NLE1: variants seen among roughly 807,000 people sequenced by gnomAD.
NLE1 encodes notchless protein homolog 1.
NLE1 carries 37 observed loss-of-function variants against 62.8 expected under a neutral mutation model. The ratio of observed to expected loss-of-function variants is 0.59; its 90% CI spans 0.45 to 0.78. NLE1 has a LOEUF of 0.78. Among genes scored for constraint, NLE1 ranks in the 30% least tolerant of loss-of-function variants. The probability of loss-of-function intolerance (pLI) is 0.00; values close to 1 mark genes in which losing one functional copy is unlikely to be tolerated. For synonymous variants in NLE1, 243 were observed against 253.0 expected, an observed-to-expected ratio of 0.96 and a Z score of 0.37; for missense variants, 555 against 637.9, an observed-to-expected ratio of 0.87 and a Z score of 1.40.
chr17:35,129,184 G>A lies in NLE1; in HGVS notation c.*3253C>T. The A allele has an allele frequency of 2.0e-6, 1 of 502,646 alleles. No homozygotes were observed. Among genetic ancestry groups the A allele is most frequent in the Non-Finnish European group, 3.6e-6 (1 of 278,432 alleles). The allele number at this position is 502,646 out of a possible 1,614,324, so 31.1% of individuals were successfully genotyped here. ...AGGGTTGAGGACCCCTGGCGTATAA[G>A]AAATATGGAATGAGGGTGTACCCTA... On this transcript the variant is annotated 3_prime_UTR_variant, in exon 13 of 13. Coordinates refer to ENST00000442241, the MANE Select transcript of NLE1 (RefSeq NM_018096.5).
intron 3 of NLE1, 105 bp from the exon 4 acceptor site, chr17:35,139,419 T>G (rs1363623716): frequency 1.1e-6 from 1 of 919,728 alleles, no homozygotes; most frequent in Non-Finnish European, 1.7e-6. Flanking sequence ...TCCTCGCCCC[T>G]GGAAGGGAGA....
Position 35,130,118 on chromosome 17 carries a change from G to T in NLE1, c.*2319C>A, listed in dbSNP as rs911218829. ...TCCCATAATGAGGAGGTACAGGCTTGAGTCATGCATCTTTGCACCTGTTTC... is the reference window on the plus strand; with the variant it reads ...TCCCATAATGAGGAGGTACAGGCTTTAGTCATGCATCTTTGCACCTGTTTC... On this transcript the variant is annotated 3_prime_UTR_variant, in exon 13 of 13. Transcript: ENST00000442241. 1 of 1,439,508 alleles carries T rather than the reference G, an allele frequency of 6.9e-7. No individual in the cohort carries two copies. The highest frequency in any genetic ancestry group is 9.1e-7 in the Non-Finnish European group (1 of 1,102,058). 89.2% of individuals were successfully genotyped at this position (1,439,508 alleles called of 1,614,324 possible).
Position 35,135,309 on chromosome 17 carries a change from C to T in NLE1, c.1154G>A (p.Arg385His), listed in dbSNP as rs200560049. Residue 385 changes from arginine to histidine, a missense_variant, in exon 10 of 13, where the codon CGC (arginine) becomes CAC (histidine). Arg to His is a conservative substitution (Grantham distance 29, BLOSUM62 0). Transcript: ENST00000442241. The part of the protein sequence containing the change: ...INQVLFSPDS[R>H]IVASASFDKS... ...GTCAAAGGAGGCACTAGCCACGATGCGGGAGTCAGGAGAGAAGAGCACCTG... is the reference window on the plus strand; with the variant it reads ...GTCAAAGGAGGCACTAGCCACGATGTGGGAGTCAGGAGAGAAGAGCACCTG... The T allele has an allele frequency of 2.2e-5, 36 of 1,614,044 alleles. No individual in the cohort carries two copies. The highest frequency in any genetic ancestry group is 1.5e-4 in the Admixed American group (9 of 59,990).
chr17:35,134,962 G>T (rs1292855322), intron 10 of NLE1: 1 of 493,388 alleles, frequency 2.0e-6, no homozygotes, highest in Non-Finnish European at 3.9e-6. Flanking sequence ...TGAGGCAGGA[G>T]AATCACTTGA....
At position 35,129,649 on chromosome 17, in the gene NLE1, G is replaced by A. The variant is rs2091864476; in HGVS notation, c.*2788C>T. The stretch of plus-strand genomic sequence containing the variant: ...CAGCTGGGGTGGGGAAGTGGTGCAA[G>A]CCCTACAAAGTGAGCCCTGGGAAAA... On this transcript the variant is annotated 3_prime_UTR_variant, in exon 13 of 13. Coordinates refer to ENST00000442241, the MANE Select transcript of NLE1 (RefSeq NM_018096.5). 2.5e-6 allele frequency: 4 copies of A among 1,613,738 alleles called. No individual in the cohort carries two copies. Among genetic ancestry groups the A allele is most frequent in the Admixed American group, 3.3e-5 (2 of 59,962 alleles).
Position 35,131,070 on chromosome 17 carries a change from G to GCT in NLE1, c.*1365_*1366dup, listed in dbSNP as rs142195961. On this transcript the variant is annotated 3_prime_UTR_variant, in exon 13 of 13. Transcript: ENST00000442241. The stretch of plus-strand genomic sequence containing the variant: ...TGGGGCAGGGCCTGGTTTAATCCCA[G>GCT]CTTTCTCTTACTAGATGTGAGGGCA... 0.011 allele frequency: 1,737 copies of GCT among 152,488 alleles called. 49 individuals carry two copies. The highest frequency in any genetic ancestry group is 0.11 in the East Asian group (558 of 5,188). 9.4% of individuals were successfully genotyped at this position (152,488 alleles called of 1,614,324 possible).
chr17:35,137,190 G>T lies in NLE1; in HGVS notation c.639C>A (p.Asn213Lys). The T allele has an allele frequency of 6.2e-7, 1 of 1,604,524 alleles. No individual in the cohort carries two copies. The highest frequency in any genetic ancestry group is 8.5e-7 in the Non-Finnish European group (1 of 1,172,686). The change falls in exon 7 of 13, where the codon AAC becomes AAA. Residue 213 changes from asparagine (N) to lysine (K), a missense_variant. Coordinates refer to ENST00000442241, the MANE Select transcript of NLE1 (RefSeq NM_018096.5). ...TGLSWEPLHA[N>K]PECRYVASSS... ...TGCTGGCCACATAGCGGCACTCAGG[G>T]TTCCTGGAGAGAAGGGAGATGTGAC...
intron 2 of NLE1, among the ~76,000 whole-genome samples, chr17:35,140,415 T>TA: frequency 6.7e-6 from 1 of 148,702 alleles, no homozygotes; most frequent in East Asian, 2.1e-4. Flanking sequence ...TTTTAGTAGA[T>TA]ACGGGGTTTC....
intron 3 of NLE1, 56 bp from the exon 4 acceptor site, chr17:35,139,370 C>T: frequency 3.6e-6 from 5 of 1,391,242 alleles, no homozygotes; most frequent in Non-Finnish European, 5.1e-6. Flanking sequence ...GCCACCTATT[C>T]AATCACTTTC....
rs564965788 is a variant in NLE1, at chr17:35,135,482, G to T, written c.1012-31C>A. ...GGAGGCAGAAAGCACACTGTGTTGG[G>T]TGTGGTCTCAGAAAGAAGGAGGAGG... On this transcript the variant is annotated intron_variant, in intron 9 of 12. Coordinates refer to ENST00000442241, the MANE Select transcript of NLE1 (RefSeq NM_018096.5). 72 of 1,606,942 alleles carry T rather than the reference G, an allele frequency of 4.5e-5. 1 individual carries two copies. In the Middle Eastern group the frequency reaches 1.2e-3, roughly 26 times the overall value.
chr17:35,132,304 G>A lies in NLE1; in HGVS notation c.*133C>T, dbSNP rs1352198579. ...CCATTCCGGTCTATCGAGGACAGCA[G>A]GCCACACGCATTCTCAGGTCCCCAC... On this transcript the variant is annotated 3_prime_UTR_variant, in exon 13 of 13. Transcript: ENST00000442241. The A allele has an allele frequency of 1.1e-5, 8 of 705,228 alleles. No homozygotes were observed. The highest frequency in any genetic ancestry group is 1.7e-5 in the Non-Finnish European group (8 of 470,996). The allele number at this position is 705,228 out of a possible 1,614,324, so 43.7% of individuals were successfully genotyped here. A position where few individuals can be genotyped will look rare whatever the true frequency, so the allele number is the denominator to read the frequency against.
chr17:35,135,570 C>T lies in NLE1; in HGVS notation c.1012-119G>A, dbSNP rs550706554. The T allele has an allele frequency of 1.5e-4, 127 of 856,362 alleles. 2 individuals are homozygous for T. Among genetic ancestry groups the T allele is most frequent in the South Asian group, 8.8e-4 (55 of 62,438 alleles). The allele number at this position is 856,362 out of a possible 1,614,324, so 53.0% of individuals were successfully genotyped here. A position where few individuals can be genotyped will look rare whatever the true frequency, so the allele number is the denominator to read the frequency against. Reference sequence around the variant, plus strand: ...AATGCCAGGGACAGAGAGAGGCCAGCGCTAGGAGCAATGAGGACTGGCTTG... The same window carrying T: ...AATGCCAGGGACAGAGAGAGGCCAGTGCTAGGAGCAATGAGGACTGGCTTG... On this transcript the variant is annotated intron_variant, in intron 9 of 12. Coordinates refer to ENST00000442241, the MANE Select transcript of NLE1 (RefSeq NM_018096.5).
chr17:35,139,106 G>A (rs2091927078), intron 4 of NLE1, 129 bp downstream of exon 4: 3 of 699,530 alleles, frequency 4.3e-6, no homozygotes, highest in Non-Finnish European at 7.2e-6. Flanking sequence ...TTGAACCCAG[G>A]AGTTCAAGGC....
In NLE1 at chr17:35,132,396, G is replaced by A; in HGVS notation, c.*41C>T. 3 of 1,441,554 alleles carry A rather than the reference G, an allele frequency of 2.1e-6. No homozygotes were observed. Among genetic ancestry groups the A allele is most frequent in the Non-Finnish European group, 2.7e-6 (3 of 1,091,818 alleles). 89.3% of individuals were successfully genotyped at this position (1,441,554 alleles called of 1,614,324 possible). On this transcript the variant is annotated 3_prime_UTR_variant, in exon 13 of 13. Coordinates refer to ENST00000442241, the MANE Select transcript of NLE1 (RefSeq NM_018096.5). Reference sequence around the variant, plus strand: ...TCTGGCAGGGAAGGCAGCTGGCAGAGGCCGAGTCGAGGTGGGGGTCAGAGA... The same window carrying A: ...TCTGGCAGGGAAGGCAGCTGGCAGAAGCCGAGTCGAGGTGGGGGTCAGAGA...
chr17:35,139,294 C>G lies in NLE1; in HGVS notation c.401G>C (p.Gly134Ala). The G allele has an allele frequency of 6.2e-7, 1 of 1,613,958 alleles. No individual in the cohort carries two copies. The highest frequency in any genetic ancestry group is 8.5e-7 in the Non-Finnish European group (1 of 1,179,928). The change falls in exon 4 of 13, where the codon GGA becomes GCA. Residue 134 changes from glycine (G) to alanine (A), a missense_variant. By Grantham distance (60) the Gly-to-Ala change is moderately conservative. Transcript: ENST00000442241. ...PTGKYLASGS[G>A]DTTVRFWDLS... is the part of the protein sequence containing the mutation. ...ATCCCAGAAGCGCACGGTGGTGTCT[C>G]CAGAGCCACTGGCCAGGTACCTGGG...
chr17:35,141,794 C>T (rs2091945847), intron 2 of NLE1, among the ~76,000 whole-genome samples, 185 bp downstream of exon 2: 2 of 152,180 alleles, frequency 1.3e-5, no homozygotes, highest in Admixed American at 1.3e-4. Flanking sequence ...CAGGTGGACC[C>T]CTTTGGTTGG....
rs762728015 is a variant in NLE1 at position 35,130,411 on chromosome 17, C to G, written c.*2026G>C. On this transcript the variant is annotated 3_prime_UTR_variant, in exon 13 of 13. Transcript: ENST00000442241. ...GGAGGAGATGCGGAGGCTGGAGGAT[C>G]TGGAATACCTATTTCCCTGTTAAGG... 4 of 1,614,020 alleles carry G rather than the reference C, an allele frequency of 2.5e-6. No homozygotes were observed. The highest frequency in any genetic ancestry group is 1.7e-5 in the Admixed American group (1 of 60,000).
chr17:35,139,996 T>G lies in NLE1; in HGVS notation c.233A>C (p.Glu78Ala). 6.2e-7 allele frequency: 1 copy of G among 1,614,088 alleles called. No homozygotes were observed. Among genetic ancestry groups the G allele is most frequent in the Non-Finnish European group, 8.5e-7 (1 of 1,180,008 alleles). ...EIVSSLGKTL[E>A]SQAVETEKVL... is the part of the protein sequence containing the mutation. ...CTTCTCTGTCTCCACTGCCTGGGAC[T>G]CCAACGTCTTCCCCAGTGAGGAGAC... Residue 78 changes from glutamate to alanine, a missense_variant, in exon 3 of 13, where the codon GAG (glutamate) becomes GCG (alanine). Transcript: ENST00000442241.
At position 35,133,553 on chromosome 17, in the gene NLE1, G is replaced by T. The variant is rs577964716; in HGVS notation, c.1215-55C>A. 4 of 1,506,358 alleles carry T rather than the reference G, an allele frequency of 2.7e-6. No homozygotes were observed. The African/African-American group carries it at 5.5e-5, about 21-fold the overall frequency. The allele number at this position is 1,506,358 out of a possible 1,614,324, so 93.3% of individuals were successfully genotyped here. On this transcript the variant is annotated intron_variant, in intron 10 of 12. Coordinates refer to ENST00000442241, the MANE Select transcript of NLE1 (RefSeq NM_018096.5). ...TAGTCTGAGTTACATCTTTCAACAC[G>T]TCTGAAGGGTCCCCTACGCTCATGG...
Sources: gnomAD v4.1 joint callset for allele counts (sites outside exome capture counted in the v4.1 genomes callset) on GRCh38, gnomAD v4.1.1 for gene constraint, MANE v1.5 for transcripts, NCBI Gene and HGNC (gene_info 2026-07-23, HGNC 2026-07-21) for gene names.